Variants in PLCB2 observed in about 807,000 individuals in gnomAD.
PLCB2 encodes 1-phosphatidylinositol 4,5-bisphosphate phosphodiesterase beta-2.
In PLCB2, 115 loss-of-function variants were observed where a neutral mutation model predicts 141.7. The ratio of observed to expected loss-of-function variants is 0.81; its 90% CI spans 0.70 to 0.95. The LOEUF (loss-of-function observed/expected upper bound fraction) is 0.95, where lower values mean the gene tolerates loss of function less well. Among genes scored for constraint, PLCB2 ranks in the 40% least tolerant of loss-of-function variants. The probability of loss-of-function intolerance (pLI) is 0.00; values close to 1 mark genes in which losing one functional copy is unlikely to be tolerated. For synonymous variants in PLCB2, 603 were observed against 595.6 expected, an observed-to-expected ratio of 1.01 and a Z score of -0.18; for missense variants, 1,403 against 1,541.1, an observed-to-expected ratio of 0.91 and a Z score of 1.50.
chr15:40,290,542 T>A (rs1213400694), intron 29 of PLCB2, 35 bp downstream of exon 29: 3 of 1,484,976 alleles, frequency 2.0e-6, no homozygotes, highest in Admixed American at 1.7e-5. Flanking sequence ...TGAAGTGGGG[T>A]CTGCCCAGCC....
chr15:40,292,781 C>T, intron 21 of PLCB2, 145 bp downstream of exon 21: 1 of 580,758 alleles, frequency 1.7e-6, no homozygotes, highest in Non-Finnish European at 3.1e-6. Flanking sequence ...CTCTTAGGTT[C>T]CTGGAGAGGT....
Position 40,290,635 on chromosome 15 carries a change from T to C in PLCB2, c.3151A>G (p.Arg1051Gly). The C allele has an allele frequency of 6.2e-7, 1 of 1,614,162 alleles. No individual in the cohort carries two copies. The highest frequency in any genetic ancestry group is 8.5e-7 in the Non-Finnish European group (1 of 1,180,000). The change falls in exon 29 of 32, where the codon AGA becomes GGA. Residue 1051 changes from arginine to glycine, a missense_variant. Around this residue, in one of 4 missense-constraint regions of PLCB2, gnomAD observed 290 missense variants for 245.9 expected, o/e 1.18. Coordinates refer to ENST00000260402, the MANE Select transcript of PLCB2 (RefSeq NM_004573.3). Reference protein sequence around the residue: ...KEMKKKLETKRLERIQGMTKV... With the variant: ...KEMKKKLETKGLERIQGMTKV... ...GTCATGCCCTGGATCCGCTCCAGTC[T>C]CTTTGTCTCCAGCTTTTTCTTCATC...
At chr15:40,287,129 G>A (rs1180480865), downstream of PLCB2, among the ~76,000 whole-genome samples, 1 of 152,144 alleles carries the variant, frequency 6.6e-6, no homozygotes, top group South Asian at 2.1e-4. Context: ...ACCACCCTGG[G>A]GTATAGGTGG....
chr15:40,307,010 C>G (rs1049239197), intron 1 of PLCB2, among the ~76,000 whole-genome samples: 2 of 152,200 alleles, frequency 1.3e-5, no homozygotes, highest in African/African-American at 4.8e-5. Context: ...CATCGGGGAG[C>G]AATGCTGAGC....
At chr15:40,300,517 CA>C in intron 7 of PLCB2, 1 of 152,210 alleles carries the variant, frequency 6.6e-6, no homozygotes, top group East Asian at 1.9e-4. Context: ...AAACATCTAC[CA>C]ACTGATAAAC....
Position 40,295,266 on chromosome 15 carries a change from G to A in PLCB2, c.1716C>T (p.Val572=). The part of the protein sequence containing the change: ...EFSAQKNRSY[V]ISSFTELKAY... ...CCTTGAGCTCTGTGAAGGACGAGAT[G>A]ACATAACTTCGGTTCTTTTCTATAT... is the stretch of plus-strand genomic sequence containing the variant. The change falls in exon 17 of 32, where the codon GTC becomes GTT. Residue 572 remains valine (V), a synonymous_variant. Transcript: ENST00000260402. The A allele has an allele frequency of 2.5e-6, 4 of 1,613,254 alleles. No individual in the cohort carries two copies. The highest frequency in any genetic ancestry group is 3.4e-6 in the Non-Finnish European group (4 of 1,179,220).
chr15:40,307,541 G>A, intron 1 of PLCB2, 48 bp downstream of exon 1: 4 of 1,234,762 alleles, frequency 3.2e-6, no homozygotes, highest in South Asian at 2.7e-5. Context: ...TAGCAGCCCG[G>A]CCCCCACCAC....
At chr15:40,295,593 G>T (rs1036641282) in intron 16 of PLCB2, among the ~76,000 whole-genome samples, 1 of 152,220 alleles carries the variant, frequency 6.6e-6, no homozygotes, top group East Asian at 1.9e-4. Flanking sequence ...AGCCTAGGGG[G>T]TCAGTAACAT....
intron 21 of PLCB2, 34 bp from the exon 22 acceptor site, chr15:40,292,477 A>G (rs756998674): frequency 2.7e-6 from 4 of 1,490,732 alleles, no homozygotes; most frequent in African/African-American, 2.8e-5. Flanking sequence ...AGTGAGCCAG[A>G]GCCCGTTCCT....
At chr15:40,302,102 C>A (rs750822050) in intron 6 of PLCB2, 34 bp downstream of exon 6, 2 of 1,612,678 alleles carry the variant, frequency 1.2e-6, no homozygotes, top group East Asian at 2.2e-5. Flanking sequence ...TTTGGGGAGC[C>A]CCTGGAAGCC....
chr15:40,292,846 G>T, intron 21 of PLCB2, 80 bp downstream of exon 21: 2 of 855,256 alleles, frequency 2.3e-6, no homozygotes, highest in Non-Finnish European at 3.8e-6. Context: ...CTCACTCCAG[G>T]CCCCCTCCCA....
chr15:40,287,774 A>C (rs921069699), downstream of PLCB2: 1 of 204,150 alleles, frequency 4.9e-6, no homozygotes, highest in Non-Finnish European at 8.6e-6. Flanking sequence ...ATTTCACTGG[A>C]CTCTGGAAAG....
intron 2 of PLCB2, chr15:40,303,776 C>T: frequency 1.9e-6 from 1 of 539,714 alleles, no homozygotes; most frequent in Non-Finnish European, 3.3e-6. Context: ...TCTCTCTCCC[C>T]AAGGGATGCT....
At position 40,307,739 on chromosome 15, in the gene PLCB2, C is replaced by T; in HGVS notation, c.-67G>A. On this transcript the variant is annotated 5_prime_UTR_variant, in exon 1 of 32. Coordinates refer to ENST00000260402, the MANE Select transcript of PLCB2 (RefSeq NM_004573.3). The stretch of plus-strand genomic sequence containing the variant: ...GCAGGCAGAAGGGCAGGAAGGAGGC[C>T]AGCCAGGAGGGGGAGCCAAGCTGGG... The T allele has an allele frequency of 7.2e-7, 1 of 1,391,918 alleles. No homozygotes were observed. The highest frequency in any genetic ancestry group is 9.7e-7 in the Non-Finnish European group (1 of 1,025,742). 86.2% of individuals were successfully genotyped at this position (1,391,918 alleles called of 1,614,324 possible). A position where few individuals can be genotyped will look rare whatever the true frequency, so the allele number is the denominator to read the frequency against.
At position 40,302,676 on chromosome 15, in the gene PLCB2, G is replaced by C. The variant is rs1046823569; in HGVS notation, c.232-67C>G. 13 of 1,574,096 alleles carry C rather than the reference G, an allele frequency of 8.3e-6. No individual in the cohort carries two copies. The Admixed American group carries it at 2.2e-4, about 27-fold the overall frequency. On this transcript the variant is annotated intron_variant, in intron 3 of 31. Coordinates refer to ENST00000260402, the MANE Select transcript of PLCB2 (RefSeq NM_004573.3). The stretch of plus-strand genomic sequence containing the variant: ...CTCCCTGCCCAGTGTGGCTCTCTCT[G>C]GCCCTCCCCTCAGCCACTTGGGCTA...
At chr15:40,286,000 G>T, downstream of PLCB2, 1 of 985,682 alleles carries the variant, frequency 1.0e-6, no homozygotes, top group East Asian at 1.1e-4. Flanking sequence ...GGTTCCCATG[G>T]CAGGAAGGGG....
chr15:40,290,818 T>A lies in PLCB2; in HGVS notation c.3056A>T (p.Glu1019Val). 3.1e-6 allele frequency: 5 copies of A among 1,612,032 alleles called. No homozygotes were observed. The highest frequency in any genetic ancestry group is 4.2e-6 in the Non-Finnish European group (5 of 1,179,536). ...TGCCGCCTGTTTCTCTCTGGCCAGC[T>A]CCATCATTTTGGAGATTTGCTGCAG... ...HVAEQISKMM[E>V]LAREKQAAEL... is the part of the protein sequence containing the mutation. The change falls in exon 28 of 32, where the codon GAG (glutamate) becomes GTG (valine). Residue 1019 changes from glutamate to valine, a missense_variant. Around this residue, in one of 4 missense-constraint regions of PLCB2, gnomAD observed 290 missense variants for 245.9 expected, o/e 1.18. Coordinates refer to ENST00000260402, the MANE Select transcript of PLCB2 (RefSeq NM_004573.3).
intron 19 of PLCB2, 123 bp downstream of exon 19, chr15:40,294,143 G>C: frequency 3.1e-6 from 3 of 960,088 alleles, no homozygotes; most frequent in African/African-American, 1.6e-5. Context: ...TGCAGGAACT[G>C]GCTGGGGCTG....
At chr15:40,298,773 G>T in intron 9 of PLCB2, 25 bp downstream of exon 9, 2 of 1,610,974 alleles carry the variant, frequency 1.2e-6, no homozygotes, top group Non-Finnish European at 1.7e-6. Flanking sequence ...GACCACAGGG[G>T]ACAAGGGGTT....
Sources: gnomAD v4.1 joint callset for allele counts (sites outside exome capture counted in the v4.1 genomes callset) on GRCh38, gnomAD v4.1.1 for gene constraint, gnomAD v4.1.1 regional missense constraint, MANE v1.5 for transcripts, NCBI Gene and HGNC (gene_info 2026-07-23, HGNC 2026-07-21) for gene names.